Variants in HRG observed in about 807,000 individuals in gnomAD.
HRG encodes histidine rich glycoprotein.
HRG carries 26 observed loss-of-function variants against 29.5 expected under a neutral mutation model. The ratio of observed to expected loss-of-function variants is 0.88; its 90% CI spans 0.65 to 1.22. The LOEUF is 1.22. Ranked by LOEUF, HRG falls within the 50% of genes most tolerant of loss-of-function variation. The pLI, the probability that HRG is intolerant of heterozygous loss-of-function variation, is 0.00. For missense variants in HRG, 671 were observed against 654.5 expected, an observed-to-expected ratio of 1.03 and a Z score of -0.28; for synonymous variants, 243 against 240.4, an observed-to-expected ratio of 1.01 and a Z score of -0.10.
At chr3:186,676,144 C>T (rs1718979936) in intron 6 of HRG, among the ~76,000 whole-genome samples, 1 of 152,010 alleles carries the variant, frequency 6.6e-6, no homozygotes, top group African/African-American at 2.4e-5. Context: ...TCTGGGATTA[C>T]AGACATGAGC....
At chr3:186,672,136 A>G (rs1220402249) in intron 4 of HRG, among the ~76,000 whole-genome samples, 1 of 152,198 alleles carries the variant, frequency 6.6e-6, no homozygotes, top group Non-Finnish European at 1.5e-5. Flanking sequence ...ACTGAAGTTC[A>G]GAGAAATTAC....
rs369028946 is a variant in HRG, at chr3:186,671,790, G to A, written c.558+1G>A. 1.5e-5 allele frequency: 25 copies of A among 1,613,526 alleles called. No homozygotes were observed. In the African/African-American group the frequency reaches 2.7e-4, roughly 17 times the overall value. ...CCGAATCGAGAGAGTTGCAAGAGTG[G>A]TGAGTCTCCACTAAGGTTCGGTTGG... On this transcript the variant is annotated splice_donor_variant, in intron 4 of 6. Transcript: ENST00000232003. LOFTEE classifies it high-confidence loss of function.
chr3:186,669,081 C>A (rs770643351), intron 2 of HRG, 30 bp downstream of exon 2: 1 of 1,142,398 alleles, frequency 8.8e-7, no homozygotes, highest in South Asian at 1.2e-5. Flanking sequence ...TCACTCTGCT[C>A]TTTTCATTCT....
In HRG at chr3:186,677,155, A is replaced by C; in HGVS notation, c.850A>C (p.Arg284=). 6 of 1,613,548 alleles carry C rather than the reference A, an allele frequency of 3.7e-6. No homozygotes were observed. The highest frequency in any genetic ancestry group is 5.1e-6 in the Non-Finnish European group (6 of 1,179,992). Residue 284 remains arginine (R), a synonymous_variant, in exon 7 of 7, where the codon AGA becomes CGA. Transcript: ENST00000232003. ...TKPPFKPHGS[R]DHHHPHKPHE... is the part of the protein sequence containing the mutation. The stretch of plus-strand genomic sequence containing the variant: ...GCCTCCATTCAAGCCCCATGGATCT[A>C]GAGATCATCATCATCCCCACAAGCC...
chr3:186,667,650 A>C (rs1241816992), intron 1 of HRG, among the ~76,000 whole-genome samples: 1 of 152,042 alleles, frequency 6.6e-6, no homozygotes, highest in East Asian at 1.9e-4. Flanking sequence ...GGATTTGAAC[A>C]GGTCTGGGTA....
chr3:186,677,697 A>G lies in HRG; in HGVS notation c.1392A>G (p.Leu464=). The G allele has an allele frequency of 6.2e-7, 1 of 1,612,114 alleles. No homozygotes were observed. The highest frequency in any genetic ancestry group is 8.5e-7 in the Non-Finnish European group (1 of 1,178,334). Residue 464 remains leucine, a synonymous_variant, in exon 7 of 7, where the codon CTA becomes CTG. Coordinates refer to ENST00000232003, the MANE Select transcript of HRG (RefSeq NM_000412.5). ...QIGSVYRLPP[L]RKGEVLPLPE... is the part of the protein sequence containing the mutation. ...GATCTGTGTACCGACTCCCTCCTCT[A>G]AGAAAAGGTGAGGTGCTGCCACTTC... is the stretch of plus-strand genomic sequence containing the variant.
chr3:186,677,446 C>G lies in HRG; in HGVS notation c.1141C>G (p.Pro381Ala). The change falls in exon 7 of 7, where the codon CCC (proline) becomes GCC (alanine). Residue 381 changes from proline (P) to alanine (A), a missense_variant. By Grantham distance (27) the Pro-to-Ala change is conservative. Transcript: ENST00000232003. ...PHEHDTHRQH[P>A]HGHHPHGHHP... ...TGAACATGATACCCATAGACAGCAT[C>G]CCCATGGACACCACCCCCATGGACA... The G allele has an allele frequency of 6.3e-7, 1 of 1,594,076 alleles. No individual in the cohort carries two copies. The highest frequency in any genetic ancestry group is 8.5e-7 in the Non-Finnish European group (1 of 1,170,058).
Position 186,677,753 on chromosome 3 carries a change from C to T in HRG, c.1448C>T (p.Pro483Leu), listed in dbSNP as rs775005977. The change falls in exon 7 of 7, where the codon CCG (proline) becomes CTG (leucine). Residue 483 changes from proline (P) to leucine (L), a missense_variant. Coordinates refer to ENST00000232003, the MANE Select transcript of HRG (RefSeq NM_000412.5). ...GCCAATTTTCCCAGCTTCCCATTGCCGCACCACAAACATCCTCTAAAGCCA... is the reference window on the plus strand; with the variant it reads ...GCCAATTTTCCCAGCTTCCCATTGCTGCACCACAAACATCCTCTAAAGCCA... ...PEANFPSFPL[P>L]HHKHPLKPDN... 5.9e-5 allele frequency: 95 copies of T among 1,611,796 alleles called. 2 individuals carry two copies. In the South Asian group the frequency reaches 9.3e-4, roughly 16 times the overall value.
rs1718606470 is a variant in HRG at position 186,666,229 on chromosome 3, A to G, written c.183+15A>G. On this transcript the variant is annotated intron_variant, in intron 1 of 6. Coordinates refer to ENST00000232003, the MANE Select transcript of HRG (RefSeq NM_000412.5). Reference sequence around the variant, plus strand: ...TGGACAGAGTGGTGAGGAATTGCCAATGGCAGAGCTGAGTTGGGAGATTAC... The same window carrying G: ...TGGACAGAGTGGTGAGGAATTGCCAGTGGCAGAGCTGAGTTGGGAGATTAC... 1.9e-6 allele frequency: 3 copies of G among 1,613,298 alleles called. No homozygotes were observed. The highest frequency in any genetic ancestry group is 2.5e-6 in the Non-Finnish European group (3 of 1,179,720).
Position 186,666,118 on chromosome 3 carries a change from G to A in HRG, c.87G>A (p.Pro29=), listed in dbSNP as rs1461139657. 46 of 1,614,064 alleles carry A rather than the reference G, an allele frequency of 2.8e-5. No homozygotes were observed. Among genetic ancestry groups the A allele is most frequent in the East Asian group, 4.5e-5 (2 of 44,896 alleles). Residue 29 remains proline (P), a synonymous_variant, in exon 1 of 7, where the codon CCG becomes CCA. Transcript: ENST00000232003. ...VSPTDCSAVE[P]EAEKALDLIN... ...CCACTGACTGCAGTGCTGTTGAGCC[G>A]GAGGCTGAGAAAGCTCTAGACCTGA...
At chr3:186,676,949 A>AT in intron 6 of HRG, 98 bp from the exon 7 acceptor site, 1 of 1,338,588 alleles carries the variant, frequency 7.5e-7, no homozygotes, top group Non-Finnish European at 1.1e-6. Flanking sequence ...GATTTGTGGA[A>AT]TCTATGATCT....
chr3:186,673,457 A>AT (rs1718872220), intron 5 of HRG: 1 of 164,004 alleles, frequency 6.1e-6, no homozygotes. Flanking sequence ...GATAGATACC[A>AT]TTTTTAATCC....
chr3:186,675,419 C>G (rs1043815819), intron 6 of HRG, among the ~76,000 whole-genome samples: 3 of 151,790 alleles, frequency 2.0e-5, no homozygotes, highest in African/African-American at 7.3e-5. Context: ...CAGAGAGTAT[C>G]CCACAACTGG....
Position 186,677,938 on chromosome 3 carries a change from T to A in HRG, c.*55T>A. On this transcript the variant is annotated 3_prime_UTR_variant, in exon 7 of 7. Coordinates refer to ENST00000232003, the MANE Select transcript of HRG (RefSeq NM_000412.5). ...TAATACATTGAATTAGAAACATAAA[T>A]AAAATGACCAGTAATTGTGAAAATT... The A allele has an allele frequency of 1.3e-6, 2 of 1,519,508 alleles. No homozygotes were observed. The highest frequency in any genetic ancestry group is 1.7e-4 in the Middle Eastern group (1 of 5,862). 94.1% of individuals were successfully genotyped at this position (1,519,508 alleles called of 1,614,324 possible). A position where few individuals can be genotyped will look rare whatever the true frequency, so the allele number is the denominator to read the frequency against.
At chr3:186,669,725 G>A (rs139869156) in intron 2 of HRG, 16 of 591,124 alleles carry the variant, frequency 2.7e-5, no homozygotes, top group Admixed American at 1.1e-4. Context: ...ATAGTTTCTC[G>A]CTGGTTCTCC....
At chr3:186,672,674 G>C in intron 4 of HRG, 113 bp from the exon 5 acceptor site, 1 of 744,696 alleles carries the variant, frequency 1.3e-6, no homozygotes, top group Non-Finnish European at 2.4e-6. Flanking sequence ...ACACATACTG[G>C]TGATTTTGAA....
chr3:186,667,738 T>C (rs967162266), intron 1 of HRG, among the ~76,000 whole-genome samples: 24 of 151,980 alleles, frequency 1.6e-4, no homozygotes, highest in Admixed American at 1.3e-4. Flanking sequence ...TAGGGAGCCA[T>C]TGAATATAAG....
intron 1 of HRG, 104 bp downstream of exon 1, chr3:186,666,318 CAG>C: frequency 8.0e-7 from 1 of 1,249,424 alleles, no homozygotes; most frequent in Non-Finnish European, 1.2e-6. Context: ...TGGCTTTGGT[CAG>C]AGTTTTTTGT....
intron 1 of HRG, among the ~76,000 whole-genome samples, chr3:186,668,322 T>C (rs1718675530): frequency 6.6e-6 from 1 of 152,092 alleles, no homozygotes; most frequent in Non-Finnish European, 1.5e-5. Flanking sequence ...GCAATGAGAC[T>C]GAGGAATAGA....
Sources: allele counts gnomAD v4.1 joint callset (sites outside exome capture counted in the v4.1 genomes callset), GRCh38; gene constraint gnomAD v4.1.1; transcripts MANE v1.5; gene names NCBI Gene and HGNC (gene_info 2026-07-23, HGNC 2026-07-21).